Variants in CPS1 observed in about 807,000 individuals in gnomAD.
CPS1 encodes the protein carbamoyl-phosphate synthase [ammonia], mitochondrial.
In CPS1, 109 loss-of-function variants were observed where a neutral mutation model predicts 174.6. The ratio of observed to expected loss-of-function variants is 0.62; its 90% CI spans 0.53 to 0.73. CPS1 has a LOEUF of 0.73. Among genes scored for constraint, CPS1 ranks in the 30% least tolerant of loss-of-function variants. The probability of loss-of-function intolerance (pLI) is 0.00; values close to 1 mark genes in which losing one functional copy is unlikely to be tolerated. For synonymous variants in CPS1, 637 were observed against 632.0 expected (o/e 1.01, Z -0.12); for missense variants, 1,689 against 1,821.9 (o/e 0.93, Z 1.33).
chr2:210,666,711 G>A (rs544383203), intron 33 of CPS1, among the ~76,000 whole-genome samples: 11 of 152,250 alleles, frequency 7.2e-5, no homozygotes, highest in African/African-American at 1.7e-4. Context: ...CCAGTACCAC[G>A]CTGTTTTGGT....
chr2:210,636,682 C>T lies in CPS1; in HGVS notation c.2688-1020C>T, dbSNP rs572343174. Among the ~76,000 whole-genome samples, 8 of 151,954 alleles carry T rather than the reference C, an allele frequency of 5.3e-5. No homozygotes were observed. The South Asian group carries it at 6.2e-4, about 12-fold the overall frequency. On this transcript the variant is annotated intron_variant, in intron 21 of 37. Coordinates refer to ENST00000233072, the MANE Select transcript of CPS1 (RefSeq NM_001875.5). ...ATGATTCTATGTCCATCGTTCCAAG[C>T]AAAAGAGGCAGTAAAAAGCACAAGA...
At position 210,660,613 on chromosome 2, in the gene CPS1, A is replaced by G; in HGVS notation, c.3885A>G (p.Thr1295=). The part of the protein sequence containing the change: ...GENVDEKHLP[T]LDHPIIPADY... ...ATGTTGATGAGAAACATCTTCCAAC[A>G]TTGGACCATCCCATAATTCCTGCTG... The change falls in exon 32 of 38, where the codon ACA becomes ACG. Residue 1295 remains threonine (T), a synonymous_variant. Coordinates refer to ENST00000233072, the MANE Select transcript of CPS1 (RefSeq NM_001875.5). The G allele has an allele frequency of 6.2e-7, 1 of 1,614,154 alleles. No homozygotes were observed.
chr2:210,600,068 C>A (rs745312544), intron 14 of CPS1, among the ~76,000 whole-genome samples: 1 of 150,716 alleles, frequency 6.6e-6, no homozygotes. Context: ...ATAAGAGTCT[C>A]TTTAGCTAGT....
intron 1 of CPS1, among the ~76,000 whole-genome samples, chr2:210,505,594 G>A (rs533554519): frequency 1.2e-4 from 18 of 152,070 alleles, no homozygotes; most frequent in South Asian, 8.3e-4. Flanking sequence ...GGCGAGCATC[G>A]CCTCACCCGG....
chr2:210,557,993 CA>C (rs1264837682), intron 1 of CPS1, among the ~76,000 whole-genome samples: 1 of 148,962 alleles, frequency 6.7e-6, no homozygotes, highest in African/African-American at 2.5e-5. Flanking sequence ...GAGATGGAGA[CA>C]GGGGGAGGGG....
chr2:210,631,542 T>C (rs549697093), intron 21 of CPS1, among the ~76,000 whole-genome samples: 107 of 152,336 alleles, frequency 7.0e-4, no homozygotes, highest in African/African-American at 2.5e-3. Flanking sequence ...GCAGAGTGTG[T>C]AAAAGTCTGA....
At chr2:210,492,563 CTT>C (rs1018921200) in intron 1 of CPS1, among the ~76,000 whole-genome samples, 2 of 144,212 alleles carry the variant, frequency 1.4e-5, no homozygotes, top group Admixed American at 7.0e-5. Context: ...TTAGAAGATA[CTT>C]TTTTTTTTTT....
intron 1 of CPS1, among the ~76,000 whole-genome samples, chr2:210,510,187 C>G (rs1260511022): frequency 3.9e-5 from 6 of 152,140 alleles, no homozygotes; most frequent in Non-Finnish European, 7.3e-5. Flanking sequence ...AGATCTAGAC[C>G]AATGGAACAG....
At chr2:210,481,510 C>A (rs1694569627) in intron 1 of CPS1, among the ~76,000 whole-genome samples, 2 of 152,180 alleles carry the variant, frequency 1.3e-5, no homozygotes, top group African/African-American at 4.8e-5. Context: ...GATATATTAC[C>A]AAAGCCCTGC....
intron 2 of CPS1, among the ~76,000 whole-genome samples, chr2:210,574,566 A>C (rs1574541609): frequency 6.6e-6 from 1 of 152,140 alleles, no homozygotes; most frequent in African/African-American, 2.4e-5. Context: ...GCAATTATTT[A>C]AACTTTTCGA....
chr2:210,508,500 C>G (rs1695353515), intron 1 of CPS1, among the ~76,000 whole-genome samples: 1 of 152,034 alleles, frequency 6.6e-6, no homozygotes. Flanking sequence ...CATTTAAAAG[C>G]TAGCAGAAGG....
chr2:210,668,894 C>T (rs547827261), intron 34 of CPS1, among the ~76,000 whole-genome samples: 15 of 152,256 alleles, frequency 9.9e-5, no homozygotes, highest in African/African-American at 3.6e-4. Flanking sequence ...TCCTTTCATT[C>T]ATTCAGTCCT....
intron 1 of CPS1, chr2:210,519,668 C>G (rs1695769971): frequency 1.3e-6 from 1 of 794,876 alleles, no homozygotes; most frequent in East Asian, 1.3e-4. Flanking sequence ...CATCTAGACA[C>G]AGGCACGTGA....
intron 1 of CPS1, among the ~76,000 whole-genome samples, chr2:210,508,446 C>G (rs1404947148): frequency 6.6e-6 from 1 of 151,760 alleles, no homozygotes; most frequent in African/African-American, 2.4e-5. Context: ...AAAATTGACA[C>G]CCTAACATCA....
chr2:210,523,870 C>G (rs2105991330), intron 1 of CPS1, among the ~76,000 whole-genome samples: 1 of 152,036 alleles, frequency 6.6e-6, no homozygotes, highest in East Asian at 1.9e-4. Flanking sequence ...TTGCTCTTTA[C>G]TAGAGGCAGT....
At chr2:210,668,371 G>A in intron 34 of CPS1, 87 bp downstream of exon 34, 1 of 927,560 alleles carries the variant, frequency 1.1e-6, no homozygotes, top group Non-Finnish European at 1.8e-6. Flanking sequence ...TGGTATAGAG[G>A]AAGGGAGATT....
chr2:210,615,757 G>A (rs1371146968), intron 20 of CPS1, among the ~76,000 whole-genome samples: 1 of 152,016 alleles, frequency 6.6e-6, no homozygotes, highest in East Asian at 1.9e-4. Flanking sequence ...GGAAGAGGCT[G>A]AGCTGCCTAT....
intron 28 of CPS1, among the ~76,000 whole-genome samples, chr2:210,651,149 C>CTT (rs371760530): frequency 6.9e-6 from 1 of 144,960 alleles, no homozygotes. Context: ...CTTGTTGGGG[C>CTT]TTTTTTTTTT....
intron 11 of CPS1, 92 bp from the exon 12 acceptor site, chr2:210,594,416 C>G: frequency 2.4e-6 from 2 of 848,178 alleles, no homozygotes; most frequent in South Asian, 3.0e-5. Flanking sequence ...TGTTGCTTAT[C>G]TGAAGTTCAA....
Sources: allele counts gnomAD v4.1 joint callset (sites outside exome capture counted in the v4.1 genomes callset), GRCh38; gene constraint gnomAD v4.1.1; transcripts MANE v1.5; gene names NCBI Gene and HGNC (gene_info 2026-07-23, HGNC 2026-07-21).